The following ITGA11 variants were observed in gnomAD, a reference collection of about 807,000 sequenced individuals.
ITGA11 encodes integrin subunit alpha 11.
In ITGA11, 97 loss-of-function variants were observed where a neutral mutation model predicts 141.9. That is an observed-to-expected ratio of 0.68 (90% confidence interval 0.58 to 0.81). ITGA11 has a LOEUF of 0.81. Ranked by LOEUF, ITGA11 falls within the 30% of genes least tolerant of loss-of-function variation. The pLI is 0.00. For synonymous variants in ITGA11, 658 were observed against 624.6 expected (o/e 1.05, Z -0.80); for missense variants, 1,387 against 1,559.2 (o/e 0.89, Z 1.86).
At chr15:68,320,118 G>A (rs1200617985) in intron 20 of ITGA11, 67 bp downstream of exon 20, 1 of 1,379,178 alleles carries the variant, frequency 7.3e-7, no homozygotes, top group Non-Finnish European at 1.0e-6. Flanking sequence ...GTAGCCAGGA[G>A]CCCACCTGGC....
chr15:68,385,377 A>C (rs1895960899), intron 2 of ITGA11, among the ~76,000 whole-genome samples: 1 of 152,042 alleles, frequency 6.6e-6, no homozygotes, highest in East Asian at 1.9e-4. Flanking sequence ...CTGGGTTGGG[A>C]GAGGAGGAAG....
At chr15:68,431,268 G>A (rs1019589791) in intron 1 of ITGA11, among the ~76,000 whole-genome samples, 1 of 152,094 alleles carries the variant, frequency 6.6e-6, no homozygotes, top group Non-Finnish European at 1.5e-5. Context: ...TGCATTAGGC[G>A]GCGGCGCGCG....
intron 2 of ITGA11, among the ~76,000 whole-genome samples, chr15:68,398,876 A>G (rs1896394468): frequency 6.7e-6 from 1 of 150,304 alleles, no homozygotes; most frequent in African/African-American, 2.4e-5. Flanking sequence ...TAAAACTTAC[A>G]CTGAATATTT....
chr15:68,363,963 C>T (rs1458933473), intron 4 of ITGA11, among the ~76,000 whole-genome samples: 2 of 152,208 alleles, frequency 1.3e-5, no homozygotes, highest in South Asian at 4.1e-4. Flanking sequence ...TCTCTTTCCA[C>T]CACAGTGTAA....
intron 7 of ITGA11, among the ~76,000 whole-genome samples, chr15:68,355,778 T>TA (rs397797070): frequency 1.1e-4 from 17 of 151,146 alleles, no homozygotes; most frequent in African/African-American, 2.4e-4. Context: ...ATTTTTTTTT[T>TA]AAAAAACACG....
chr15:68,329,487 A>G (rs1260443279), intron 15 of ITGA11, among the ~76,000 whole-genome samples: 1 of 152,204 alleles, frequency 6.6e-6, no homozygotes, highest in Non-Finnish European at 1.5e-5. Context: ...CTCGCCCGCA[A>G]TTTCATCAGT....
Position 68,418,120 on chromosome 15 carries a change from A to C in ITGA11, c.52+13895T>G, listed in dbSNP as rs549020808. On this transcript the variant is annotated intron_variant, in intron 1 of 29. Coordinates refer to ENST00000315757, the MANE Select transcript of ITGA11 (RefSeq NM_001004439.2). ...AGGATTTACATCATGGTAATTGGCA[A>C]ATACTACAAATAAGAATGATAGGAA... Among the ~76,000 whole-genome samples, 6 of 152,312 alleles carry C rather than the reference A, an allele frequency of 3.9e-5. No individual in the cohort carries two copies. In the South Asian group the frequency reaches 1.0e-3, roughly 26 times the overall value.
rs1015678881 is a variant in ITGA11, at chr15:68,426,711, A to G, written c.52+5304T>C. 2.6e-5 allele frequency among the ~76,000 whole-genome samples: 4 copies of G among 152,012 alleles called. No individual in the cohort carries two copies. In the South Asian group the frequency reaches 8.3e-4, roughly 32 times the overall value. On this transcript the variant is annotated intron_variant, in intron 1 of 29. Coordinates refer to ENST00000315757, the MANE Select transcript of ITGA11 (RefSeq NM_001004439.2). ...CTGTCTTTCTGTGCCCTCAAGTTCC[A>G]TTTCCTGAAGAGAGTATGGTGCATG...
intron 22 of ITGA11, among the ~76,000 whole-genome samples, chr15:68,314,858 T>C (rs1893517071): frequency 6.6e-6 from 1 of 152,188 alleles, no homozygotes; most frequent in South Asian, 2.1e-4. Flanking sequence ...GTGTGTGTGC[T>C]GGAATGTTAG....
intron 11 of ITGA11, among the ~76,000 whole-genome samples, chr15:68,339,090 C>T (rs1894470480): frequency 6.6e-6 from 1 of 152,202 alleles, no homozygotes; most frequent in South Asian, 2.1e-4. Context: ...TGATTATGAA[C>T]ATTAAGAAAT....
chr15:68,356,941 A>C, intron 7 of ITGA11: 1 of 550,296 alleles, frequency 1.8e-6, no homozygotes. Flanking sequence ...TTCAGATGAC[A>C]ACAGCCCAAG....
At chr15:68,408,431 G>T (rs918615619) in intron 1 of ITGA11, among the ~76,000 whole-genome samples, 7 of 152,102 alleles carry the variant, frequency 4.6e-5, no homozygotes, top group African/African-American at 1.7e-4. Context: ...GCTCCATGAG[G>T]GCAGGATGGG....
chr15:68,393,552 C>G (rs1896166266), intron 2 of ITGA11, among the ~76,000 whole-genome samples: 1 of 152,006 alleles, frequency 6.6e-6, no homozygotes, highest in African/African-American at 2.4e-5. Context: ...AGCCAATAGA[C>G]AATGGAATGA....
rs1257095239 is a variant in ITGA11, at chr15:68,305,465, C to T, written c.3382-1580G>A. Among the ~76,000 whole-genome samples the T allele has an allele frequency of 6.6e-6, 1 of 152,144 alleles. No homozygotes were observed. Among genetic ancestry groups the T allele is most frequent in the African/African-American group, 2.4e-5 (1 of 41,386 alleles). ...GGGCTTTGTCTGTTTTGTCCCTGCT[C>T]TATCCTCAGAACCTGGAGCCGTGCC... On this transcript the variant is annotated intron_variant, in intron 28 of 29. Coordinates refer to ENST00000315757, the MANE Select transcript of ITGA11 (RefSeq NM_001004439.2). This position sits in a 1 kb window ranked among gnomAD's most constrained non-coding sequence, Gnocchi z 4.6.
At chr15:68,334,278 G>A (rs978041544) in intron 12 of ITGA11, among the ~76,000 whole-genome samples, 28 of 152,360 alleles carry the variant, frequency 1.8e-4, no homozygotes, top group Admixed American at 7.8e-4. Context: ...TGTGTGGGAT[G>A]GTTTATAGCC....
In ITGA11 at chr15:68,396,930, A is replaced by ATATATAATATATTATTTAT. The variant is rs71145161; in HGVS notation, c.164+5987_164+5988insATAAATAATATATTATATA. On this transcript the variant is annotated intron_variant, in intron 2 of 29. Coordinates refer to ENST00000315757, the MANE Select transcript of ITGA11 (RefSeq NM_001004439.2). Reference sequence around the variant, plus strand: ...TTTATTATATATTATTTATTATATAATATATAATATATTATATATTATTTA... The same window carrying ATATATAATATATTATTTAT: ...TTTATTATATATTATTTATTATATAATATATAATATATTATTTATTATATAATATATTATATATTATTTA... Among the ~76,000 whole-genome samples, 71 of 34,288 alleles carry ATATATAATATATTATTTAT rather than the reference A, an allele frequency of 2.1e-3. 16 individuals carry two copies. Among genetic ancestry groups the ATATATAATATATTATTTAT allele is most frequent in the African/African-American group, 9.4e-3 (68 of 7,224 alleles). 22.5% of individuals were successfully genotyped at this position (34,288 alleles called of 152,430 possible).
chr15:68,336,590 T>G (rs959875398), intron 11 of ITGA11, among the ~76,000 whole-genome samples: 14 of 152,128 alleles, frequency 9.2e-5, no homozygotes, highest in African/African-American at 3.1e-4. Flanking sequence ...GAAGCAAATG[T>G]GCAGCAACTT....
intron 7 of ITGA11, 77 bp downstream of exon 7, chr15:68,357,074 G>A: frequency 7.6e-7 from 1 of 1,317,946 alleles, no homozygotes; most frequent in Non-Finnish European, 1.0e-6. Context: ...TTTTGTGGTA[G>A]TGTGTTACAA....
In ITGA11 at chr15:68,323,994, C is replaced by T. The variant is rs184078712; in HGVS notation, c.2322+1137G>A. ...CTTCAGCATGCTTGTGGGGTGAGTG[C>T]CACGTACTCATTCATTTGCCATAGT... On this transcript the variant is annotated intron_variant, in intron 18 of 29. Coordinates refer to ENST00000315757, the MANE Select transcript of ITGA11 (RefSeq NM_001004439.2). 2.0e-4 allele frequency among the ~76,000 whole-genome samples: 30 copies of T among 152,292 alleles called. No individual in the cohort carries two copies. The East Asian group carries it at 5.8e-3, about 29-fold the overall frequency.
Sources: gnomAD v4.1 joint callset for allele counts (sites outside exome capture counted in the v4.1 genomes callset) on GRCh38, gnomAD v4.1.1 for gene constraint, Gnocchi (gnomAD v3.1) non-coding constraint, MANE v1.5 for transcripts, NCBI Gene and HGNC (gene_info 2026-07-23, HGNC 2026-07-21) for gene names.